The following MEP1A variants were observed in gnomAD, a reference collection of about 807,000 sequenced individuals.
MEP1A encodes the protein N-benzoyl-L-tyrosyl-P-amino-benzoic acid hydrolase subunit alpha.
Under a neutral mutation model 84.5 loss-of-function variants are expected in MEP1A, and 68 were observed. That is an observed-to-expected ratio of 0.80 (90% CI 0.66 to 0.98). The LOEUF (loss-of-function observed/expected upper bound fraction) is 0.98. Ranked by LOEUF, MEP1A falls within the 50% of genes least tolerant of loss-of-function variation. The pLI, the probability that MEP1A is intolerant of heterozygous loss-of-function variation, is 0.00. For missense variants in MEP1A, 887 were observed against 919.9 expected, an observed-to-expected ratio of 0.96 and a Z score of 0.46; for synonymous variants, 337 against 336.8, an observed-to-expected ratio of 1.00 and a Z score of -0.01.
intron 7 of MEP1A, among the ~76,000 whole-genome samples, chr6:46,822,270 TTTCTATCTACTCTAGAAC>T (rs1163760824): frequency 2.6e-5 from 4 of 152,146 alleles, no homozygotes; most frequent in Non-Finnish European, 5.9e-5. Context: ...GAGAACATAT[TTTCTATCTACTCTAGAAC>T]AGGTTTGCTG....
At chr6:46,794,088 C>T (rs1240402624) in intron 3 of MEP1A, among the ~76,000 whole-genome samples, 1 of 152,186 alleles carries the variant, frequency 6.6e-6, no homozygotes, top group Admixed American at 6.5e-5. Context: ...CAAAACCCAA[C>T]CCCTCCACTG....
intron 6 of MEP1A, among the ~76,000 whole-genome samples, chr6:46,812,247 A>G (rs572415228): frequency 3.3e-5 from 5 of 151,970 alleles, no homozygotes; most frequent in South Asian, 4.1e-4. Flanking sequence ...AGGTTTTCTA[A>G]TTTATGCACA....
intron 2 of MEP1A, 33 bp from the exon 3 acceptor site, chr6:46,793,633 A>G: frequency 6.3e-7 from 1 of 1,587,614 alleles, no homozygotes; most frequent in Non-Finnish European, 8.6e-7. Flanking sequence ...CTTCGGCAAG[A>G]CTAATAATAA....
chr6:46,813,053 C>T (rs560750817), intron 6 of MEP1A, among the ~76,000 whole-genome samples: 43 of 152,002 alleles, frequency 2.8e-4, no homozygotes, highest in South Asian at 1.9e-3. Context: ...TGTCTAGTGC[C>T]GTCAGTGAGT....
intron 11 of MEP1A, among the ~76,000 whole-genome samples, chr6:46,834,222 A>G (rs1204268367): frequency 6.6e-5 from 10 of 150,456 alleles, no homozygotes; most frequent in Non-Finnish European, 1.3e-4. Context: ...CACGCCTGGC[A>G]CTAATTTTTT....
intron 7 of MEP1A, among the ~76,000 whole-genome samples, chr6:46,825,004 A>AAATATATATATTATATATTTAAAT (rs1562113917): frequency 2.9e-5 from 2 of 68,430 alleles, no homozygotes; most frequent in Admixed American, 1.5e-4. Context: ...AGATCTATTT[A>AAATATATATATTATATATTTAAAT]AGTATATATA....
chr6:46,807,836 AAAGG>A (rs200442572), intron 5 of MEP1A, among the ~76,000 whole-genome samples: 9,174 of 113,056 alleles, frequency 0.081, 618 homozygotes, highest in Non-Finnish European at 0.11. Context: ...AGAAAGAAAG[AAAGG>A]AAGAAAGGAA....
intron 9 of MEP1A, among the ~76,000 whole-genome samples, chr6:46,828,817 C>T (rs1337198465): frequency 6.6e-6 from 1 of 152,132 alleles, no homozygotes; most frequent in African/African-American, 2.4e-5. Context: ...CTAATGTGTC[C>T]TGAATAGCCC....
At position 46,833,400 on chromosome 6, in the gene MEP1A, G is replaced by A; in HGVS notation, c.1471G>A (p.Gly491Arg). Residue 491 changes from glycine to arginine, a missense_variant, in exon 11 of 14, where the codon GGG (glycine) becomes AGG (arginine). Coordinates refer to ENST00000230588, the MANE Select transcript of MEP1A (RefSeq NM_005588.3). The stretch of plus-strand genomic sequence containing the variant: ...GAGACTTGCTTTTCATGTGTGCAGT[G>A]GGGAGAACGATGCTATCCTGGAGTG... ...YLRLAFHVCS[G>R]ENDAILEWPV... The A allele has an allele frequency of 6.2e-7, 1 of 1,614,144 alleles. No individual in the cohort carries two copies. The highest frequency in any genetic ancestry group is 8.5e-7 in the Non-Finnish European group (1 of 1,180,024).
chr6:46,793,588 TTC>T lies in MEP1A; in HGVS notation c.94+13_94+14del. On this transcript the variant is annotated intron_variant, in intron 2 of 13. Transcript: ENST00000230588. The stretch of plus-strand genomic sequence containing the variant: ...TCCTGAAGAAAATGGTAAGAATTAG[TTC>T]AAATGCACAGAGAGTGTTTTTGAAC... 1 of 1,558,726 alleles carries T rather than the reference TTC, an allele frequency of 6.4e-7. No individual in the cohort carries two copies.
intron 7 of MEP1A, among the ~76,000 whole-genome samples, chr6:46,821,724 G>A (rs981597308): frequency 2.0e-5 from 3 of 152,072 alleles, no homozygotes; most frequent in Non-Finnish European, 2.9e-5. Flanking sequence ...TCCCTTTATC[G>A]GAGTGAGGGA....
At position 46,835,572 on chromosome 6, in the gene MEP1A, C is replaced by G. The variant is rs769365055; in HGVS notation, c.2084+23C>G. On this transcript the variant is annotated intron_variant, in intron 13 of 13. Coordinates refer to ENST00000230588, the MANE Select transcript of MEP1A (RefSeq NM_005588.3). ...CAGGTAGGCTCTGTGGCTGGGGAGA[C>G]AGGCAGGCCAGCAGACCTGGGCCGT... is the stretch of plus-strand genomic sequence containing the variant. The G allele has an allele frequency of 3.7e-6, 6 of 1,610,790 alleles. No individual in the cohort carries two copies. In the African/African-American group the frequency reaches 4.0e-5, roughly 11 times the overall value.
Position 46,793,699 on chromosome 6 carries a change from T to G in MEP1A, c.128T>G (p.Ile43Ser), listed in dbSNP as rs760870176. ...GCAGATTTTGGTGAACAGAAGGATA[T>G]TTCAGAAATCAATTTAGGTGAGTTC... ...HDADFGEQKDISEINLAAGLD... is the reference protein window; with the variant it reads ...HDADFGEQKDSSEINLAAGLD... Residue 43 changes from isoleucine to serine, a missense_variant, in exon 3 of 14, where the codon ATT (isoleucine) becomes AGT (serine). Transcript: ENST00000230588. 1 of 1,609,598 alleles carries G rather than the reference T, an allele frequency of 6.2e-7. No individual in the cohort carries two copies. Among genetic ancestry groups the G allele is most frequent in the East Asian group, 2.2e-5 (1 of 44,738 alleles).
intron 5 of MEP1A, among the ~76,000 whole-genome samples, chr6:46,807,581 G>GA (rs1222422581): frequency 8.5e-4 from 38 of 44,702 alleles, no homozygotes; most frequent in African/African-American, 3.6e-3. Flanking sequence ...AGGAAGGAAG[G>GA]AAGGAAGGAA....
chr6:46,798,582 T>C, intron 3 of MEP1A, 24 bp from the exon 4 acceptor site: 1 of 1,606,054 alleles, frequency 6.2e-7, no homozygotes, highest in Non-Finnish European at 8.5e-7. Flanking sequence ...AATATTCTTT[T>C]TTTAAAAAAA....
At position 46,839,107 on chromosome 6, in the gene MEP1A, G is replaced by T. The variant is rs376701246; in HGVS notation, c.2212G>T (p.Ala738Ser). The change falls in exon 14 of 14, where the codon GCC (alanine) becomes TCC (serine). Residue 738 changes from alanine (A) to serine (S), a missense_variant. By Grantham distance (99) the Ala-to-Ser change is moderately conservative. Transcript: ENST00000230588. ...GVIFLTFSII[A>S]ILSQRPRK The stretch of plus-strand genomic sequence containing the variant: ...GATCTTCTTGACCTTCTCCATCATC[G>T]CCATCCTTTCCCAAAGGCCAAGGAA... 1 of 1,612,644 alleles carries T rather than the reference G, an allele frequency of 6.2e-7. No homozygotes were observed. Among genetic ancestry groups the T allele is most frequent in the Non-Finnish European group, 8.5e-7 (1 of 1,179,762 alleles).
rs534851577 is a variant in MEP1A, at chr6:46,833,587, C to G, written c.1609+49C>G. The G allele has an allele frequency of 6.7e-6, 9 of 1,348,748 alleles. No individual in the cohort carries two copies. In the East Asian group the frequency reaches 1.6e-4, roughly 24 times the overall value. 83.5% of individuals were successfully genotyped at this position (1,348,748 alleles called of 1,614,324 possible). On this transcript the variant is annotated intron_variant, in intron 11 of 13. Coordinates refer to ENST00000230588, the MANE Select transcript of MEP1A (RefSeq NM_005588.3). ...GAACTGCCCCTTGAACCAGAGAGGC[C>G]CACAGATGTGATTCTGTGGTGCAAG...
intron 5 of MEP1A, among the ~76,000 whole-genome samples, chr6:46,805,993 G>A (rs1157546356): frequency 6.6e-6 from 1 of 151,918 alleles, no homozygotes; most frequent in Non-Finnish European, 1.5e-5. Flanking sequence ...TCGCCAGTCA[G>A]CTTTTAAAAT....
intron 7 of MEP1A, 141 bp downstream of exon 7, chr6:46,819,845 C>T: frequency 5.4e-6 from 5 of 923,652 alleles, no homozygotes; most frequent in Non-Finnish European, 6.7e-6. Context: ...TTTGTTGGCC[C>T]TTTATGTGGG....
Sources: allele counts gnomAD v4.1 joint callset (sites outside exome capture counted in the v4.1 genomes callset), GRCh38; gene constraint gnomAD v4.1.1; transcripts MANE v1.5; gene names NCBI Gene and HGNC (gene_info 2026-07-23, HGNC 2026-07-21).